PLGRKT: variants seen among roughly 807,000 people sequenced by gnomAD.
The protein encoded by PLGRKT is plasminogen receptor (KT).
PLGRKT carries 22 observed loss-of-function variants against 18.5 expected under a neutral mutation model. That is an observed-to-expected ratio of 1.19 (90% CI 0.85 to 1.70). The LOEUF is 1.70. PLGRKT is among the 40% of genes most tolerant of loss of function. The probability of loss-of-function intolerance (pLI) is 0.00; values close to 1 mark genes in which losing one functional copy is unlikely to be tolerated. For synonymous variants in PLGRKT, 72 were observed against 52.8 expected (o/e 1.36, Z -1.58); for missense variants, 235 against 174.4 (o/e 1.35, Z -1.96).
At chr9:5,404,985 T>A (rs533810726) in intron 3 of PLGRKT, among the ~76,000 whole-genome samples, 3 of 151,874 alleles carry the variant, frequency 2.0e-5, no homozygotes, top group Non-Finnish European at 4.4e-5. Context: ...ATACCAACAA[T>A]AGACAAGCAG....
chr9:5,406,132 G>A (rs1408316602), intron 3 of PLGRKT, among the ~76,000 whole-genome samples: 4 of 152,192 alleles, frequency 2.6e-5, no homozygotes, highest in African/African-American at 7.2e-5. Flanking sequence ...GTATTGAGGC[G>A]AAATAGGAAA....
chr9:5,409,365 G>A (rs187502880), intron 3 of PLGRKT, among the ~76,000 whole-genome samples: 23 of 152,324 alleles, frequency 1.5e-4, no homozygotes, highest in African/African-American at 3.6e-4. Flanking sequence ...TTAGACTGGC[G>A]TAGCCTCCTG....
At chr9:5,364,430 T>C (rs1162015604) in intron 3 of PLGRKT, among the ~76,000 whole-genome samples, 2 of 152,170 alleles carry the variant, frequency 1.3e-5, no homozygotes, top group Non-Finnish European at 2.9e-5. Flanking sequence ...TCGTGGTGGA[T>C]ACATGACATT....
intron 3 of PLGRKT, among the ~76,000 whole-genome samples, chr9:5,406,603 G>C (rs529250153): frequency 7.1e-6 from 1 of 141,244 alleles, no homozygotes; most frequent in Non-Finnish European, 1.5e-5. Flanking sequence ...ACTGGGGCCT[G>C]TTGGGGGAGG....
chr9:5,404,107 G>A (rs1818208970), intron 3 of PLGRKT, among the ~76,000 whole-genome samples: 1 of 151,886 alleles, frequency 6.6e-6, no homozygotes, highest in Non-Finnish European at 1.5e-5. Context: ...AATAGACAAT[G>A]AGTTCTGAAA....
At chr9:5,415,214 T>C (rs1818436802) in intron 3 of PLGRKT, among the ~76,000 whole-genome samples, 1 of 152,044 alleles carries the variant, frequency 6.6e-6, no homozygotes, top group African/African-American at 2.4e-5. Context: ...AGAAAGCAAA[T>C]GGAAGTTGGT....
In PLGRKT at chr9:5,412,867, A is replaced by G. The variant is rs10491648; in HGVS notation, c.81+19030T>C. Among the ~76,000 whole-genome samples the G allele has an allele frequency of 3.5e-3, 535 of 152,324 alleles. 2 individuals carry two copies. The highest frequency in any genetic ancestry group is 0.01 in the Middle Eastern group (3 of 294). On this transcript the variant is annotated intron_variant, in intron 3 of 5. Coordinates refer to ENST00000223864, the MANE Select transcript of PLGRKT (RefSeq NM_018465.4). Reference sequence around the variant, plus strand: ...AAATATTAGGAAGATATATCCATAGACAAGAGGCCAATACTCCTAATATTC... The same window carrying G: ...AAATATTAGGAAGATATATCCATAGGCAAGAGGCCAATACTCCTAATATTC...
chr9:5,372,056 A>G lies in PLGRKT; in HGVS notation c.82-10168T>C, dbSNP rs138291366. On this transcript the variant is annotated intron_variant, in intron 3 of 5. Coordinates refer to ENST00000223864, the MANE Select transcript of PLGRKT (RefSeq NM_018465.4). The stretch of plus-strand genomic sequence containing the variant: ...GAGTGCAGTGGCGCGATATTGGCTC[A>G]CTGCAACTTCCGCCTCTTGGGTTCG... 9.2e-3 allele frequency among the ~76,000 whole-genome samples: 1,220 copies of G among 133,188 alleles called. 20 individuals are homozygous for G. Among genetic ancestry groups the G allele is most frequent in the African/African-American group, 0.03 (1,001 of 33,830 alleles). The allele number at this position is 133,188 out of a possible 152,430, so 87.4% of individuals were successfully genotyped here. A position where few individuals can be genotyped will look rare whatever the true frequency, so the allele number is the denominator to read the frequency against.
rs1262779790 is a variant in PLGRKT at position 5,395,285 on chromosome 9, A to G, written c.82-33397T>C. On this transcript the variant is annotated intron_variant, in intron 3 of 5. Transcript: ENST00000223864. Reference sequence around the variant, plus strand: ...TTAGGATTTGAGTAAAGTTACTGATATATGCTGTAGATATATGAAACTATA... The same window carrying G: ...TTAGGATTTGAGTAAAGTTACTGATGTATGCTGTAGATATATGAAACTATA... Among the ~76,000 whole-genome samples, 3 of 151,938 alleles carry G rather than the reference A, an allele frequency of 2.0e-5. No individual in the cohort carries two copies. The East Asian group carries it at 5.8e-4, about 29-fold the overall frequency.
chr9:5,385,735 A>G (rs1355267694), intron 3 of PLGRKT, among the ~76,000 whole-genome samples: 2 of 151,790 alleles, frequency 1.3e-5, no homozygotes, highest in African/African-American at 4.9e-5. Flanking sequence ...TTTGTGGTCT[A>G]TTTTTGAGAG....
chr9:5,429,456 G>A (rs889748953), intron 3 of PLGRKT, among the ~76,000 whole-genome samples: 5 of 152,182 alleles, frequency 3.3e-5, no homozygotes, highest in Non-Finnish European at 1.5e-5. Context: ...GTTCTGAAGG[G>A]GAGAAATCTA....
At chr9:5,378,013 C>G (rs1167040593) in intron 3 of PLGRKT, among the ~76,000 whole-genome samples, 1 of 152,194 alleles carries the variant, frequency 6.6e-6, no homozygotes, top group Non-Finnish European at 1.5e-5. Flanking sequence ...CAGCCTGCTT[C>G]TTGCTCATCC....
At chr9:5,405,127 G>A (rs1818230844) in intron 3 of PLGRKT, among the ~76,000 whole-genome samples, 1 of 151,866 alleles carries the variant, frequency 6.6e-6, no homozygotes, top group Non-Finnish European at 1.5e-5. Context: ...GGAAATCAGA[G>A]AGGACACAAG....
intron 3 of PLGRKT, among the ~76,000 whole-genome samples, chr9:5,371,036 C>G (rs1483522526): frequency 6.6e-6 from 1 of 152,172 alleles, no homozygotes; most frequent in Non-Finnish European, 1.5e-5. Context: ...GTGGTAACAG[C>G]ATCTTATTAT....
chr9:5,362,190 C>A (rs1817282381), intron 3 of PLGRKT, among the ~76,000 whole-genome samples: 1 of 152,172 alleles, frequency 6.6e-6, no homozygotes, highest in African/African-American at 2.4e-5. Context: ...CCAGCTTTTC[C>A]TATTGGATGT....
rs555555956 is a variant in PLGRKT at position 5,363,749 on chromosome 9, A to T, written c.82-1861T>A. On this transcript the variant is annotated intron_variant, in intron 3 of 5. Transcript: ENST00000223864. ...CCCAAGCCTAGGTCATACCAGGGAA[A>T]AGATGAACGGAGAAGGGGAGGAGGA... Among the ~76,000 whole-genome samples the T allele has an allele frequency of 2.6e-5, 4 of 152,312 alleles. No homozygotes were observed. The East Asian group carries it at 7.7e-4, about 29-fold the overall frequency.
At chr9:5,417,996 T>C (rs573210847) in intron 3 of PLGRKT, among the ~76,000 whole-genome samples, 1 of 152,370 alleles carries the variant, frequency 6.6e-6, no homozygotes, top group South Asian at 2.1e-4. Flanking sequence ...ATCTTTGTTT[T>C]AATCTAACGG....
Position 5,423,190 on chromosome 9 carries a change from A to G in PLGRKT, c.81+8707T>C, listed in dbSNP as rs114808707. 9.3e-3 allele frequency among the ~76,000 whole-genome samples: 1,423 copies of G among 152,262 alleles called. 19 individuals are homozygous for G. The highest frequency in any genetic ancestry group is 0.032 in the African/African-American group (1,342 of 41,532). The stretch of plus-strand genomic sequence containing the variant: ...AATATTGAAAGTGTTTGTTGTCACT[A>G]TCACACCACTACCCTGTTCAAGAGC... On this transcript the variant is annotated intron_variant, in intron 3 of 5. Transcript: ENST00000223864.
At chr9:5,435,548 C>A (rs1261822459) in intron 2 of PLGRKT, among the ~76,000 whole-genome samples, 1 of 152,146 alleles carries the variant, frequency 6.6e-6, no homozygotes, top group African/African-American at 2.4e-5. Flanking sequence ...ACTTGAATGT[C>A]CTGGAAAATG....
Sources: gnomAD v4.1 joint callset for allele counts (sites outside exome capture counted in the v4.1 genomes callset) on GRCh38, gnomAD v4.1.1 for gene constraint, MANE v1.5 for transcripts, NCBI Gene and HGNC (gene_info 2026-07-23, HGNC 2026-07-21) for gene names.